GALNT13: variants seen among roughly 807,000 people sequenced by gnomAD.
GALNT13 encodes the protein polypeptide N-acetylgalactosaminyltransferase 13.
In GALNT13, 28 loss-of-function variants were observed where a neutral mutation model predicts 64.2. The observed-to-expected ratio is 0.44, with a 90% CI of 0.32 to 0.60. The LOEUF (loss-of-function observed/expected upper bound fraction) is 0.60, where lower values mean the gene tolerates loss of function less well. GALNT13 is among the 20% of genes least tolerant of loss of function. The pLI, the probability that GALNT13 is intolerant of heterozygous loss-of-function variation, is 0.05. For synonymous variants in GALNT13, 214 were observed against 224.6 expected (o/e 0.95, Z 0.42); for missense variants, 577 against 669.8 (o/e 0.86, Z 1.53).
intron 3 of GALNT13, among the ~76,000 whole-genome samples, chr2:154,134,578 T>A (rs1186039053): frequency 6.6e-6 from 1 of 152,212 alleles, no homozygotes; most frequent in Non-Finnish European, 1.5e-5. Flanking sequence ...AGAAAAAGCA[T>A]TGGTTAAATA....
intron 3 of GALNT13, among the ~76,000 whole-genome samples, chr2:154,063,554 C>T (rs1056484105): frequency 6.6e-6 from 1 of 151,990 alleles, no homozygotes; most frequent in Non-Finnish European, 1.5e-5. Flanking sequence ...GATTATTTTG[C>T]TATTATTGAT....
At chr2:153,359,487 T>C in the GALNT13 span, among the ~76,000 whole-genome samples, 4 of 151,748 alleles carry the variant, frequency 2.6e-5, no homozygotes, top group African/African-American at 9.7e-5. Flanking sequence ...AGACTTCAAG[T>C]TTGCAACTTT....
At chr2:153,464,089 C>A in the GALNT13 span, among the ~76,000 whole-genome samples, 5 of 152,002 alleles carry the variant, frequency 3.3e-5, no homozygotes, top group Non-Finnish European at 7.4e-5. Flanking sequence ...CACCAGGTAC[C>A]TGAAGATCAA....
chr2:153,357,797 A>G, the GALNT13 span, among the ~76,000 whole-genome samples: 29 of 152,314 alleles, frequency 1.9e-4, no homozygotes, highest in African/African-American at 6.5e-4. Context: ...AAATTGATGC[A>G]TTTGAAAGGA....
intron 3 of GALNT13, among the ~76,000 whole-genome samples, chr2:153,948,361 T>C (rs570657072): frequency 2.6e-5 from 4 of 152,166 alleles, no homozygotes; most frequent in Non-Finnish European, 5.9e-5. Context: ...TAACATATGC[T>C]GGCAAGGTTG....
chr2:154,386,099 C>T (rs1698501855), intron 9 of GALNT13, among the ~76,000 whole-genome samples: 4 of 151,958 alleles, frequency 2.6e-5, no homozygotes, highest in African/African-American at 9.6e-5. Flanking sequence ...ACCAAGACAC[C>T]AGAAATTCAG....
At chr2:153,977,858 C>T (rs1005493405) in intron 3 of GALNT13, among the ~76,000 whole-genome samples, 6 of 152,060 alleles carry the variant, frequency 3.9e-5, no homozygotes, top group African/African-American at 1.4e-4. Context: ...AACTTCTTCT[C>T]AAGACTATAC....
intron 4 of GALNT13, among the ~76,000 whole-genome samples, chr2:154,176,183 T>A (rs1336758534): frequency 6.6e-6 from 1 of 151,914 alleles, no homozygotes. Context: ...AATCTGTGCC[T>A]CTTAGAAGTC....
chr2:153,345,939 G>T, the GALNT13 span, among the ~76,000 whole-genome samples: 3 of 151,796 alleles, frequency 2.0e-5, no homozygotes, highest in Non-Finnish European at 2.9e-5. Flanking sequence ...GGGACTACAG[G>T]CATGCGCCAT....
chr2:153,715,481 G>A, the GALNT13 span, among the ~76,000 whole-genome samples: 1 of 152,346 alleles, frequency 6.6e-6, no homozygotes, highest in Admixed American at 6.5e-5. Context: ...GCTTTAAATG[G>A]TAGATGCTAA....
the GALNT13 span, among the ~76,000 whole-genome samples, chr2:153,313,074 T>C: frequency 6.6e-6 from 1 of 152,174 alleles, no homozygotes. Flanking sequence ...GAAAAAGGGA[T>C]GCTTATACAC....
At chr2:154,154,756 T>C (rs1684298768) in intron 4 of GALNT13, among the ~76,000 whole-genome samples, 1 of 152,164 alleles carries the variant, frequency 6.6e-6, no homozygotes, top group Non-Finnish European at 1.5e-5. Flanking sequence ...TGTAAGTATT[T>C]GTGTATGTGC....
the GALNT13 span, among the ~76,000 whole-genome samples, chr2:153,613,482 T>C: frequency 6.6e-6 from 1 of 152,172 alleles, no homozygotes; most frequent in African/African-American, 2.4e-5. Flanking sequence ...ATTAGGGCTT[T>C]ATATGAGTTA....
intron 3 of GALNT13, among the ~76,000 whole-genome samples, chr2:154,060,437 C>A (rs1700118019): frequency 6.6e-6 from 1 of 152,064 alleles, no homozygotes; most frequent in Non-Finnish European, 1.5e-5. Flanking sequence ...CTCGTTGCAA[C>A]CTCCACCTCC....
chr2:154,112,217 C>T (rs973381129), intron 3 of GALNT13, among the ~76,000 whole-genome samples: 1 of 152,170 alleles, frequency 6.6e-6, no homozygotes, highest in Non-Finnish European at 1.5e-5. Flanking sequence ...GCAAATTAGG[C>T]ACTCAGCAGT....
chr2:154,156,574 C>T (rs1354119836), intron 4 of GALNT13, among the ~76,000 whole-genome samples: 1 of 152,048 alleles, frequency 6.6e-6, no homozygotes, highest in Non-Finnish European at 1.5e-5. Flanking sequence ...ATATCATATG[C>T]TTTAATGTAT....
the GALNT13 span, among the ~76,000 whole-genome samples, chr2:153,232,514 G>A: frequency 3.9e-5 from 6 of 152,106 alleles, no homozygotes; most frequent in Non-Finnish European, 5.9e-5. Flanking sequence ...TTAAGACCTC[G>A]CTATAATTTC....
chr2:154,194,859 A>AC (rs1686792941), intron 4 of GALNT13, among the ~76,000 whole-genome samples: 1 of 142,564 alleles, frequency 7.0e-6, no homozygotes, highest in Non-Finnish European at 1.5e-5. Context: ...CTAGAGCTGT[A>AC]TTTTTTTTTT....
intron 9 of GALNT13, among the ~76,000 whole-genome samples, chr2:154,394,104 A>AAAAAAG (rs1553523758): frequency 1.4e-5 from 2 of 146,364 alleles, no homozygotes; most frequent in African/African-American, 2.5e-5. Flanking sequence ...AAAAAAAAAA[A>AAAAAAG]GGTATGCAAA....
Sources: gnomAD v4.1 joint callset for allele counts (sites outside exome capture counted in the v4.1 genomes callset) on GRCh38, gnomAD v4.1.1 for gene constraint, MANE v1.5 for transcripts, NCBI Gene and HGNC (gene_info 2026-07-23, HGNC 2026-07-21) for gene names.